COL8A1: variants seen among roughly 807,000 people sequenced by gnomAD.
The protein encoded by COL8A1 is collagen type VIII alpha 1 chain.
In COL8A1, 21 loss-of-function variants were observed where a neutral mutation model predicts 42.7. The ratio of observed to expected loss-of-function variants is 0.49; its 90% CI spans 0.35 to 0.71. COL8A1 has a LOEUF of 0.71. Ranked by LOEUF, COL8A1 falls within the 30% of genes least tolerant of loss-of-function variation. COL8A1 has a pLI of 0.01. For missense variants in COL8A1, 788 were observed against 962.4 expected (o/e 0.82, Z 2.40); for synonymous variants, 367 against 369.1 (o/e 0.99, Z 0.06).
At chr3:99,738,880 C>T (rs958642163) in intron 1 of COL8A1, among the ~76,000 whole-genome samples, 11 of 152,106 alleles carry the variant, frequency 7.2e-5, no homozygotes, top group Non-Finnish European at 1.5e-4. Context: ...AGCGAGATTC[C>T]GTGGGCGTAG....
chr3:99,728,970 A>G (rs1356983251), intron 1 of COL8A1, among the ~76,000 whole-genome samples: 1 of 152,032 alleles, frequency 6.6e-6, no homozygotes, highest in Non-Finnish European at 1.5e-5. Flanking sequence ...CATGTCCTGC[A>G]TCACCATTAT....
chr3:99,744,029 C>G (rs950529719), intron 1 of COL8A1, among the ~76,000 whole-genome samples: 1 of 151,694 alleles, frequency 6.6e-6, no homozygotes, highest in Non-Finnish European at 1.5e-5. Context: ...CCCAGGTTCA[C>G]GCCATTCTCC....
intron 1 of COL8A1, among the ~76,000 whole-genome samples, chr3:99,688,804 C>T (rs1399673025): frequency 6.6e-6 from 1 of 152,172 alleles, no homozygotes; most frequent in Non-Finnish European, 1.5e-5. Context: ...CTGCCTAAGT[C>T]AGTCCAACTC....
chr3:99,746,339 T>C (rs1422380362), intron 2 of COL8A1, among the ~76,000 whole-genome samples: 3 of 152,150 alleles, frequency 2.0e-5, no homozygotes, highest in South Asian at 4.1e-4. Context: ...CAGCAGATTA[T>C]AGGACTCGTG....
At chr3:99,740,323 A>G (rs548332056) in intron 1 of COL8A1, among the ~76,000 whole-genome samples, 1 of 152,292 alleles carries the variant, frequency 6.6e-6, no homozygotes, top group East Asian at 1.9e-4. Context: ...GCACCCCAGT[A>G]CCAGTACCAA....
intron 1 of COL8A1, among the ~76,000 whole-genome samples, chr3:99,713,008 T>G (rs1313162710): frequency 6.6e-6 from 1 of 152,142 alleles, no homozygotes; most frequent in East Asian, 1.9e-4. Context: ...GAACAGTTTG[T>G]GCAATGTGAG....
At chr3:99,663,538 C>T (rs542585692) in intron 1 of COL8A1, among the ~76,000 whole-genome samples, 20 of 151,328 alleles carry the variant, frequency 1.3e-4, no homozygotes, top group African/African-American at 4.9e-4. Context: ...TGTCTTTTCG[C>T]TGTGGTAAGC....
At chr3:99,666,350 A>G (rs1227524116) in intron 1 of COL8A1, among the ~76,000 whole-genome samples, 1 of 151,764 alleles carries the variant, frequency 6.6e-6, no homozygotes, top group African/African-American at 2.4e-5. Flanking sequence ...TTGAGCTTCA[A>G]AATGTCTCAG....
intron 2 of COL8A1, among the ~76,000 whole-genome samples, chr3:99,769,646 C>T (rs1014559006): frequency 6.6e-6 from 1 of 152,166 alleles, no homozygotes; most frequent in Non-Finnish European, 1.5e-5. Flanking sequence ...TTGGGCCAGG[C>T]GCGATGGCTC....
At chr3:99,709,260 C>A (rs1025966373) in intron 1 of COL8A1, among the ~76,000 whole-genome samples, 1 of 152,104 alleles carries the variant, frequency 6.6e-6, no homozygotes, top group Non-Finnish European at 1.5e-5. Context: ...GCCTAGGGAC[C>A]TGAATTTTAA....
chr3:99,711,520 G>A (rs575481257), intron 1 of COL8A1, among the ~76,000 whole-genome samples: 1 of 152,222 alleles, frequency 6.6e-6, no homozygotes, highest in Admixed American at 6.5e-5. Context: ...CTATTCTGGT[G>A]TTGAACCAAT....
intron 1 of COL8A1, among the ~76,000 whole-genome samples, chr3:99,672,059 C>G (rs570920113): frequency 1.3e-5 from 2 of 152,092 alleles, no homozygotes; most frequent in South Asian, 4.1e-4. Context: ...CACTTTAGAG[C>G]CTGACAGCTT....
At chr3:99,657,612 A>C (rs1938062919) in intron 1 of COL8A1, among the ~76,000 whole-genome samples, 1 of 152,168 alleles carries the variant, frequency 6.6e-6, no homozygotes, top group African/African-American at 2.4e-5. Flanking sequence ...AAACACCCTC[A>C]ACTTAACGCA....
At chr3:99,660,977 T>C (rs531873004) in intron 1 of COL8A1, among the ~76,000 whole-genome samples, 1 of 152,158 alleles carries the variant, frequency 6.6e-6, no homozygotes, top group Non-Finnish European at 1.5e-5. Context: ...GGAATGGAAA[T>C]GGGGTAATGA....
At chr3:99,725,566 T>A (rs1393690711) in intron 1 of COL8A1, among the ~76,000 whole-genome samples, 1 of 68,128 alleles carries the variant, frequency 1.5e-5, no homozygotes, top group Non-Finnish European at 2.6e-5. Flanking sequence ...CCCTCCCCCC[T>A]CCCCCCACCC....
intron 2 of COL8A1, among the ~76,000 whole-genome samples, chr3:99,755,780 A>C (rs541197661): frequency 1.1e-4 from 17 of 152,298 alleles, no homozygotes; most frequent in African/African-American, 4.1e-4. Flanking sequence ...TGGCAAGAAG[A>C]CCACTGGCCA....
intron 2 of COL8A1, among the ~76,000 whole-genome samples, chr3:99,755,844 G>A (rs1021863382): frequency 3.3e-5 from 5 of 152,164 alleles, no homozygotes; most frequent in Non-Finnish European, 5.9e-5. Flanking sequence ...GAGCCAGATC[G>A]CTTAGGTCTT....
Position 99,795,635 on chromosome 3 carries a change from A to C in COL8A1, c.1734A>C (p.Pro578=). 6 of 1,611,978 alleles carry C rather than the reference A, an allele frequency of 3.7e-6. No individual in the cohort carries two copies. Among genetic ancestry groups the C allele is most frequent in the Non-Finnish European group, 5.1e-6 (6 of 1,179,258 alleles). ...CCCCAGCTGTGATGCCCCCTACACCACCACCCCAGGGAGAGTATCTGCCAG... is the reference window on the plus strand; with the variant it reads ...CCCCAGCTGTGATGCCCCCTACACCCCCACCCCAGGGAGAGTATCTGCCAG... ...PGPPAVMPPT[P]PPQGEYLPDM... is the part of the protein sequence containing the mutation. The change falls in exon 4 of 4, where the codon CCA becomes CCC. Residue 578 remains proline (P), a synonymous_variant. Coordinates refer to ENST00000652472, the MANE Select transcript of COL8A1 (RefSeq NM_020351.4).
At chr3:99,684,894 A>C (rs1268242925) in intron 1 of COL8A1, among the ~76,000 whole-genome samples, 1 of 152,192 alleles carries the variant, frequency 6.6e-6, no homozygotes, top group African/African-American at 2.4e-5. Flanking sequence ...CTGAATTATC[A>C]TCCTATTTGC....
Sources: gnomAD v4.1 joint callset for allele counts (sites outside exome capture counted in the v4.1 genomes callset) on GRCh38, gnomAD v4.1.1 for gene constraint, MANE v1.5 for transcripts, NCBI Gene and HGNC (gene_info 2026-07-23, HGNC 2026-07-21) for gene names.